Variants in ST7 observed in about 807,000 individuals in gnomAD.
ST7 encodes suppressor of tumorigenicity 7 protein.
A neutral mutation model predicts 78.7 loss-of-function variants in ST7; 28 were observed. The ratio of observed to expected loss-of-function variants is 0.36; its 90% CI spans 0.26 to 0.49. The LOEUF is 0.49. Among genes scored for constraint, ST7 ranks in the 20% least tolerant of loss-of-function variants. The pLI, the probability that ST7 is intolerant of heterozygous loss-of-function variation, is 0.99. For synonymous variants in ST7, 247 were observed against 249.6 expected, an observed-to-expected ratio of 0.99 and a Z score of 0.10; for missense variants, 418 against 696.0, an observed-to-expected ratio of 0.60 and a Z score of 4.49.
At chr7:117,181,048 A>G (rs1211409865) in intron 10 of ST7, among the ~76,000 whole-genome samples, 1 of 152,198 alleles carries the variant, frequency 6.6e-6, no homozygotes, top group Non-Finnish European at 1.5e-5. Context: ...ACTATTTGGC[A>G]TAGGAGATAC....
At chr7:117,135,199 C>T (rs1804687181) in intron 7 of ST7, among the ~76,000 whole-genome samples, 1 of 152,030 alleles carries the variant, frequency 6.6e-6, no homozygotes, top group Non-Finnish European at 1.5e-5. Flanking sequence ...GGTTGTTCCT[C>T]ATATGCTTTG....
At chr7:117,144,886 C>CAA (rs1024707996) in intron 9 of ST7, among the ~76,000 whole-genome samples, 6 of 152,012 alleles carry the variant, frequency 3.9e-5, no homozygotes, top group Admixed American at 3.9e-4. Context: ...TTCAAAAGAA[C>CAA]AAAGTAGTGG....
chr7:117,160,442 C>T (rs966313481), intron 9 of ST7, among the ~76,000 whole-genome samples: 2 of 151,846 alleles, frequency 1.3e-5, no homozygotes, highest in Non-Finnish European at 2.9e-5. Context: ...TGCTAAGAAA[C>T]TTCACTTTCC....
At chr7:117,086,182 A>G (rs951695850) in intron 1 of ST7, among the ~76,000 whole-genome samples, 3 of 152,168 alleles carry the variant, frequency 2.0e-5, no homozygotes, top group Admixed American at 1.3e-4. Flanking sequence ...AGCAAAAGCA[A>G]TCTCCATCCA....
intron 2 of ST7, 135 bp downstream of exon 2, chr7:117,099,979 G>A (rs1801447212): frequency 1.8e-6 from 1 of 550,230 alleles, no homozygotes; most frequent in Non-Finnish European, 3.0e-6. Flanking sequence ...ATATATGTTG[G>A]GGAGTGGACT....
At chr7:117,094,996 G>T (rs979165883) in intron 1 of ST7, among the ~76,000 whole-genome samples, 1 of 152,018 alleles carries the variant, frequency 6.6e-6, no homozygotes, top group Admixed American at 6.6e-5. Context: ...CATATTTTTG[G>T]ATGCTGTGGA....
intron 1 of ST7, among the ~76,000 whole-genome samples, chr7:117,013,775 G>A (rs750309384): frequency 2.6e-5 from 4 of 152,208 alleles, no homozygotes; most frequent in Admixed American, 6.5e-5. Flanking sequence ...AGAGGCTGCA[G>A]TGAGGCGAGA....
chr7:117,083,255 T>G (rs1799917488), intron 1 of ST7, among the ~76,000 whole-genome samples: 2 of 151,944 alleles, frequency 1.3e-5, no homozygotes, highest in Admixed American at 1.3e-4. Flanking sequence ...ATATATATTT[T>G]TGTTTGTTTG....
chr7:117,145,893 A>T (rs1208264490), intron 9 of ST7, among the ~76,000 whole-genome samples: 12 of 152,200 alleles, frequency 7.9e-5, no homozygotes, highest in Non-Finnish European at 1.8e-4. Flanking sequence ...CTCTCAGCCT[A>T]GCCTGTAAAG....
At chr7:117,218,278 T>C (rs1742390990) in intron 13 of ST7, among the ~76,000 whole-genome samples, 1 of 152,162 alleles carries the variant, frequency 6.6e-6, no homozygotes, top group East Asian at 1.9e-4. Context: ...AGGACATCTG[T>C]TGAAGAAAAA....
intron 9 of ST7, among the ~76,000 whole-genome samples, chr7:117,151,839 G>C (rs574604649): frequency 6.6e-6 from 1 of 152,002 alleles, no homozygotes; most frequent in Admixed American, 6.6e-5. Context: ...ATGACCTCAG[G>C]CTGGGCATGG....
At chr7:117,025,637 C>A (rs1796148344) in intron 1 of ST7, among the ~76,000 whole-genome samples, 1 of 152,058 alleles carries the variant, frequency 6.6e-6, no homozygotes, top group Non-Finnish European at 1.5e-5. Flanking sequence ...GCTGAAGTCA[C>A]AAACATGGAA....
chr7:117,018,171 G>C (rs1795705729), intron 1 of ST7, among the ~76,000 whole-genome samples: 2 of 152,058 alleles, frequency 1.3e-5, no homozygotes, highest in South Asian at 4.1e-4. Context: ...TAACCCAGGG[G>C]CCATTTTCTC....
At chr7:117,053,630 AC>A (rs765567177) in intron 1 of ST7, among the ~76,000 whole-genome samples, 6 of 152,142 alleles carry the variant, frequency 3.9e-5, no homozygotes, top group Non-Finnish European at 8.8e-5. Flanking sequence ...CCTTCTGGCC[AC>A]CCTTCAGTCA....
chr7:117,161,110 T>G (rs1051804921), intron 9 of ST7, among the ~76,000 whole-genome samples: 2 of 152,102 alleles, frequency 1.3e-5, no homozygotes, highest in African/African-American at 2.4e-5. Flanking sequence ...GTTTTTTTTT[T>G]TTTAAATGCC....
At chr7:116,966,652 A>G (rs895959174) in intron 1 of ST7, among the ~76,000 whole-genome samples, 1 of 152,242 alleles carries the variant, frequency 6.6e-6, no homozygotes, top group Non-Finnish European at 1.5e-5. Context: ...CTAGTCACCC[A>G]GAAGATTAAA....
intron 9 of ST7, among the ~76,000 whole-genome samples, chr7:117,158,573 C>T (rs894112604): frequency 4.6e-5 from 7 of 152,244 alleles, no homozygotes; most frequent in Admixed American, 2.0e-4. Context: ...AGTGAACATG[C>T]GGATCATATA....
chr7:117,004,560 C>T (rs1476390276), intron 1 of ST7, among the ~76,000 whole-genome samples: 2 of 152,090 alleles, frequency 1.3e-5, no homozygotes, highest in African/African-American at 4.8e-5. Flanking sequence ...ACTTGGGAGG[C>T]TGAGACCAGA....
chr7:117,171,269 C>G (rs1293652147), intron 10 of ST7, among the ~76,000 whole-genome samples: 1 of 152,132 alleles, frequency 6.6e-6, no homozygotes. Context: ...CCTCTGCGGT[C>G]AGGAATCACC....
Sources: allele counts gnomAD v4.1 joint callset (sites outside exome capture counted in the v4.1 genomes callset), GRCh38; gene constraint gnomAD v4.1.1; transcripts MANE v1.5; gene names NCBI Gene and HGNC (gene_info 2026-07-23, HGNC 2026-07-21).